KSR2: variants seen among roughly 807,000 people sequenced by gnomAD.
KSR2 encodes the protein kinase suppressor of ras 2.
A neutral mutation model predicts 107.8 loss-of-function variants in KSR2; 25 were observed. The ratio of observed to expected loss-of-function variants is 0.23; its 90% CI spans 0.17 to 0.32. The LOEUF (loss-of-function observed/expected upper bound fraction) is 0.32. Among genes scored for constraint, KSR2 ranks in the 10% least tolerant of loss-of-function variants. The pLI, the probability that KSR2 is intolerant of heterozygous loss-of-function variation, is 1.00. For synonymous variants in KSR2, 480 were observed against 507.0 expected (o/e 0.95, Z 0.71); for missense variants, 887 against 1,268.9 (o/e 0.70, Z 4.57).
At chr12:117,599,661 G>C (rs902572865) in intron 5 of KSR2, among the ~76,000 whole-genome samples, 2 of 151,556 alleles carry the variant, frequency 1.3e-5, no homozygotes, top group African/African-American at 2.4e-5. Flanking sequence ...CTGTGACCAA[G>C]AAAAATATCT....
intron 3 of KSR2, among the ~76,000 whole-genome samples, chr12:117,831,995 T>C (rs1384378483): frequency 6.6e-6 from 1 of 152,160 alleles, no homozygotes; most frequent in Admixed American, 6.6e-5. Context: ...CTATAAAACT[T>C]GTACTGTGGC....
At chr12:117,537,229 C>A (rs4767559) in intron 10 of KSR2, among the ~76,000 whole-genome samples, 51,319 of 151,754 alleles carry the variant, frequency 0.34, 8,779 homozygotes, top group South Asian at 0.42. Flanking sequence ...ACAACAACAA[C>A]AAAAAAACTT....
chr12:117,667,317 C>G (rs544872065), intron 5 of KSR2, among the ~76,000 whole-genome samples, 157 bp downstream of exon 5: 1 of 152,272 alleles, frequency 6.6e-6, no homozygotes, highest in Non-Finnish European at 1.5e-5. Flanking sequence ...GATGGGGGGG[C>G]TGTGGGCAGA....
chr12:117,506,874 C>A (rs970859579), intron 14 of KSR2, among the ~76,000 whole-genome samples: 2 of 151,934 alleles, frequency 1.3e-5, no homozygotes, highest in African/African-American at 4.8e-5. Flanking sequence ...TATGTATACA[C>A]ACACATATAT....
intron 3 of KSR2, among the ~76,000 whole-genome samples, chr12:117,815,530 G>A (rs914401358): frequency 6.6e-6 from 1 of 152,142 alleles, no homozygotes; most frequent in African/African-American, 2.4e-5. Flanking sequence ...AGATGCTCAG[G>A]ATACAGTAGC....
intron 3 of KSR2, among the ~76,000 whole-genome samples, chr12:117,822,295 TTACTC>T (rs1431151026): frequency 2.0e-5 from 3 of 152,160 alleles, no homozygotes; most frequent in African/African-American, 7.2e-5. Context: ...TCCTTTCACT[TTACTC>T]TACGGACTCG....
intron 4 of KSR2, among the ~76,000 whole-genome samples, chr12:117,680,097 G>A (rs1049308044): frequency 2.0e-5 from 3 of 152,108 alleles, no homozygotes; most frequent in Non-Finnish European, 4.4e-5. Flanking sequence ...GGGTCTGCTT[G>A]GGATTTATTT....
intron 16 of KSR2, among the ~76,000 whole-genome samples, chr12:117,479,844 CT>C (rs1293178051): frequency 1.3e-5 from 2 of 152,216 alleles, no homozygotes; most frequent in East Asian, 3.8e-4. Context: ...AGGTTGAAGG[CT>C]CTTACTTACT....
chr12:117,526,255 A>G lies in KSR2; in HGVS notation c.1851+816T>C, dbSNP rs143100458. 3.3e-3 allele frequency among the ~76,000 whole-genome samples: 496 copies of G among 152,360 alleles called. 7 individuals are homozygous for G. The highest frequency in any genetic ancestry group is 0.011 in the African/African-American group (476 of 41,592). The stretch of plus-strand genomic sequence containing the variant: ...CACTAGAGTTAAATGCTCAAGGTGT[A>G]GGGACCCACCTTATCAGCATGATAT... On this transcript the variant is annotated intron_variant, in intron 13 of 19. Transcript: ENST00000339824.
chr12:117,696,477 C>T (rs1048041754), intron 4 of KSR2, among the ~76,000 whole-genome samples: 8 of 151,934 alleles, frequency 5.3e-5, no homozygotes, highest in Admixed American at 1.3e-4. Flanking sequence ...TTAGATTTCC[C>T]TTCGGCAAGA....
At chr12:117,906,477 G>A (rs997848449) in intron 1 of KSR2, among the ~76,000 whole-genome samples, 7 of 151,840 alleles carry the variant, frequency 4.6e-5, no homozygotes, top group African/African-American at 1.7e-4. Flanking sequence ...ATGGTGGTAC[G>A]CGCCTGTAGT....
chr12:117,613,090 G>A (rs1479717708), intron 5 of KSR2, among the ~76,000 whole-genome samples: 1 of 152,168 alleles, frequency 6.6e-6, no homozygotes, highest in East Asian at 1.9e-4. Flanking sequence ...GACAGATTAA[G>A]GCAAAACCAT....
intron 3 of KSR2, among the ~76,000 whole-genome samples, chr12:117,776,176 C>T (rs1889678332): frequency 6.6e-6 from 1 of 152,044 alleles, no homozygotes; most frequent in Non-Finnish European, 1.5e-5. Flanking sequence ...ACCCCATATT[C>T]CTTCCCCTCC....
At position 117,459,545 on chromosome 12, in the gene KSR2, T is replaced by C. The variant is rs984266807; in HGVS notation, c.*7654A>G. 1 of 152,236 alleles carries C rather than the reference T, an allele frequency of 6.6e-6. No individual in the cohort carries two copies. Among genetic ancestry groups the C allele is most frequent in the Non-Finnish European group, 1.5e-5 (1 of 68,042 alleles). The allele number at this position is 152,236 out of a possible 1,614,324, so 9.4% of individuals were successfully genotyped here. A position where few individuals can be genotyped will look rare whatever the true frequency, so the allele number is the denominator to read the frequency against. ...ATTTGTACTCCTTGGACCAGATCTTTATCCTTCTAGATCTTAGAGGTCCTT... is the reference window on the plus strand; with the variant it reads ...ATTTGTACTCCTTGGACCAGATCTTCATCCTTCTAGATCTTAGAGGTCCTT... On this transcript the variant is annotated 3_prime_UTR_variant, in exon 20 of 20. Transcript: ENST00000339824.
At chr12:117,638,683 G>A (rs950115790) in intron 5 of KSR2, among the ~76,000 whole-genome samples, 15 of 152,150 alleles carry the variant, frequency 9.9e-5, no homozygotes, top group African/African-American at 3.6e-4. Context: ...ATCTCTGTGA[G>A]GAAAGGAAGG....
At position 117,653,670 on chromosome 12, in the gene KSR2, G is replaced by A. The variant is rs569330013; in HGVS notation, c.1171+13804C>T. On this transcript the variant is annotated intron_variant, in intron 5 of 19. Transcript: ENST00000339824. ...GGGGTCCAGTGGTGTGGGACCTGTC[G>A]AGATATTCCTTTTAAGGTAAAGGAT... is the stretch of plus-strand genomic sequence containing the variant. 5.3e-5 allele frequency among the ~76,000 whole-genome samples: 8 copies of A among 152,312 alleles called. No individual in the cohort carries two copies. The South Asian group carries it at 8.3e-4, about 16-fold the overall frequency.
rs142279071 is a variant in KSR2, at chr12:117,561,169, T to C, written c.1326-2596A>G. Among the ~76,000 whole-genome samples, 296 of 152,360 alleles carry C rather than the reference T, an allele frequency of 1.9e-3. 3 individuals are homozygous for C. Among genetic ancestry groups the C allele is most frequent in the African/African-American group, 6.9e-3 (285 of 41,580 alleles). On this transcript the variant is annotated intron_variant, in intron 7 of 19. Transcript: ENST00000339824. The stretch of plus-strand genomic sequence containing the variant: ...AAATAGTAGAGTGGATATGTAATTA[T>C]GATAAAATCATGACAGAGTGTTAGA...
intron 3 of KSR2, among the ~76,000 whole-genome samples, chr12:117,819,871 AG>A (rs1274776996): frequency 6.6e-6 from 1 of 152,182 alleles, no homozygotes; most frequent in Non-Finnish European, 1.5e-5. Context: ...GGAAGGAGAA[AG>A]GGCATCAGAT....
At chr12:117,590,398 C>T (rs146983799) in intron 5 of KSR2, among the ~76,000 whole-genome samples, 15 of 152,268 alleles carry the variant, frequency 9.9e-5, no homozygotes, top group East Asian at 5.8e-4. Context: ...CTGCCACTTA[C>T]GAGCTATGGG....
Sources: allele counts gnomAD v4.1 joint callset (sites outside exome capture counted in the v4.1 genomes callset), GRCh38; gene constraint gnomAD v4.1.1; transcripts MANE v1.5; gene names NCBI Gene and HGNC (gene_info 2026-07-23, HGNC 2026-07-21).